The following NAALADL2 variants were observed in gnomAD, a reference collection of about 807,000 sequenced individuals.
The protein encoded by NAALADL2 is inactive N-acetylated-alpha-linked acidic dipeptidase-like protein 2.
NAALADL2 carries 76 observed loss-of-function variants against 87.2 expected under a neutral mutation model. The observed-to-expected ratio is 0.87, with a 90% CI of 0.72 to 1.05. The LOEUF (loss-of-function observed/expected upper bound fraction) is 1.05. Ranked by LOEUF, NAALADL2 falls within the 50% of genes least tolerant of loss-of-function variation. NAALADL2 has a pLI of 0.00. For synonymous variants in NAALADL2, 354 were observed against 331.0 expected (o/e 1.07, Z -0.75); for missense variants, 1,089 against 945.8 (o/e 1.15, Z -1.99).
intron 10 of NAALADL2, among the ~76,000 whole-genome samples, chr3:175,583,490 C>CAAAA (rs10681728): frequency 5.8e-5 from 8 of 138,678 alleles, no homozygotes; most frequent in South Asian, 2.3e-4. Flanking sequence ...GGATGAGCTG[C>CAAAA]AAAAAAAAAA....
chr3:175,371,102 A>G (rs1216845686), intron 5 of NAALADL2, among the ~76,000 whole-genome samples: 1 of 152,228 alleles, frequency 6.6e-6, no homozygotes, highest in African/African-American at 2.4e-5. Context: ...GTCTTAGACA[A>G]TATTACCAAA....
rs769738659 is a variant in NAALADL2 at position 175,806,792 on chromosome 3, G to A, written c.*3589G>A. 7.0e-6 allele frequency: 1 copy of A among 143,344 alleles called. No homozygotes were observed. Among genetic ancestry groups the A allele is most frequent in the African/African-American group, 2.6e-5 (1 of 39,028 alleles). 8.9% of individuals were successfully genotyped at this position (143,344 alleles called of 1,614,324 possible). ...CCACAGTTCCAAAGCTAATAAAAAT[G>A]ATGAGGCATATTTCTCTTCTGGGCC... On this transcript the variant is annotated 3_prime_UTR_variant, in exon 14 of 14. Coordinates refer to ENST00000454872, the MANE Select transcript of NAALADL2 (RefSeq NM_207015.3).
chr3:175,529,224 A>G (rs911806774), intron 9 of NAALADL2, among the ~76,000 whole-genome samples: 1 of 152,194 alleles, frequency 6.6e-6, no homozygotes, highest in Admixed American at 6.5e-5. Context: ...CAGCCACCCC[A>G]GACAACACTG....
At chr3:175,605,467 A>C (rs563848755) in intron 10 of NAALADL2, among the ~76,000 whole-genome samples, 21 of 152,136 alleles carry the variant, frequency 1.4e-4, no homozygotes, top group Non-Finnish European at 2.5e-4. Context: ...ATGCAGACTG[A>C]AGACCTCATT....
intron 11 of NAALADL2, among the ~76,000 whole-genome samples, chr3:175,664,288 C>T (rs975031587): frequency 6.6e-6 from 1 of 152,022 alleles, no homozygotes; most frequent in Non-Finnish European, 1.5e-5. Context: ...TTGGAAAAAA[C>T]AAACTTATTG....
intron 5 of NAALADL2, among the ~76,000 whole-genome samples, chr3:175,443,365 T>C (rs1393552032): frequency 1.3e-5 from 2 of 152,154 alleles, no homozygotes; most frequent in African/African-American, 4.8e-5. Flanking sequence ...TAGAGAAAAA[T>C]GGAATGCAGT....
rs904892362 is a variant in NAALADL2, at chr3:175,366,969, C to T, written c.1090+42644C>T. Reference sequence around the variant, plus strand: ...TCCTGAATGGTAATGCCTAGGTTTTCTTCTAGGGTTTTTATGGTTTTAGGT... The same window carrying T: ...TCCTGAATGGTAATGCCTAGGTTTTTTTCTAGGGTTTTTATGGTTTTAGGT... On this transcript the variant is annotated intron_variant, in intron 5 of 13. Coordinates refer to ENST00000454872, the MANE Select transcript of NAALADL2 (RefSeq NM_207015.3). 2.1e-4 allele frequency among the ~76,000 whole-genome samples: 32 copies of T among 151,698 alleles called. 1 individual carries two copies. The highest frequency in any genetic ancestry group is 4.3e-4 in the Non-Finnish European group (29 of 67,976).
chr3:175,438,473 T>G (rs1436390661), intron 5 of NAALADL2, among the ~76,000 whole-genome samples: 1 of 152,110 alleles, frequency 6.6e-6, no homozygotes, highest in Non-Finnish European at 1.5e-5. Flanking sequence ...GAAAGTCAAA[T>G]AAAATATTCC....
At chr3:175,524,231 A>C (rs1733079250) in intron 9 of NAALADL2, among the ~76,000 whole-genome samples, 1 of 152,208 alleles carries the variant, frequency 6.6e-6, no homozygotes, top group African/African-American at 2.4e-5. Flanking sequence ...CTTTAGGAAG[A>C]TGTGAATTCA....
At chr3:174,707,511 C>T (rs1486409534) in intron 2 of NAALADL2, among the ~76,000 whole-genome samples, 1 of 151,992 alleles carries the variant, frequency 6.6e-6, no homozygotes. Flanking sequence ...ATGGATGAAG[C>T]TGGAAACCAT....
chr3:175,751,194 C>T (rs188329770), intron 12 of NAALADL2, among the ~76,000 whole-genome samples: 42 of 152,122 alleles, frequency 2.8e-4, no homozygotes, highest in East Asian at 9.6e-4. Flanking sequence ...TAAAGTTCAC[C>T]GTTTAATTCC....
chr3:174,853,298 A>G (rs1725475645), intron 3 of NAALADL2, among the ~76,000 whole-genome samples: 1 of 149,240 alleles, frequency 6.7e-6, no homozygotes, highest in Non-Finnish European at 1.5e-5. Flanking sequence ...GAATTGCTTG[A>G]ACTTGGGAGG....
rs1311186385 is a variant in NAALADL2 at position 175,136,908 on chromosome 3, G to C, written c.545+39617G>C. On this transcript the variant is annotated intron_variant, in intron 2 of 13. Coordinates refer to ENST00000454872, the MANE Select transcript of NAALADL2 (RefSeq NM_207015.3). ...GCTTTGGTTTTAAAAATAACTCTTG[G>C]CAAGCTAATATTCTTTTGGGAAAAA... Among the ~76,000 whole-genome samples, 6 of 152,102 alleles carry C rather than the reference G, an allele frequency of 3.9e-5. No individual in the cohort carries two copies. In the South Asian group the frequency reaches 6.2e-4, roughly 16 times the overall value.
chr3:175,448,142 T>C (rs1720992898), intron 6 of NAALADL2, among the ~76,000 whole-genome samples: 1 of 152,232 alleles, frequency 6.6e-6, no homozygotes, highest in Admixed American at 6.5e-5. Context: ...AAGAAATATG[T>C]ACAAAAAAAT....
intron 1 of NAALADL2, among the ~76,000 whole-genome samples, chr3:174,878,476 A>T (rs988849870): frequency 1.3e-5 from 2 of 152,038 alleles, no homozygotes; most frequent in African/African-American, 4.8e-5. Context: ...CCATTGCAAA[A>T]ACCTACATGT....
intron 1 of NAALADL2, among the ~76,000 whole-genome samples, chr3:174,523,793 C>T (rs893011992): frequency 6.6e-6 from 1 of 152,072 alleles, no homozygotes; most frequent in Non-Finnish European, 1.5e-5. Flanking sequence ...CAGGTCATTG[C>T]CAATTTGTGT....
chr3:175,426,519 C>G (rs1369446667), intron 5 of NAALADL2, among the ~76,000 whole-genome samples: 1 of 152,144 alleles, frequency 6.6e-6, no homozygotes, highest in Non-Finnish European at 1.5e-5. Context: ...ACATACCAGA[C>G]TATAAGTGAA....
chr3:175,015,079 C>T (rs9868675), intron 1 of NAALADL2, among the ~76,000 whole-genome samples: 2,052 of 152,092 alleles, frequency 0.013, 45 homozygotes, highest in African/African-American at 0.048. Flanking sequence ...AATTGTGCAT[C>T]ATTTCATGGA....
chr3:175,756,034 A>G (rs1747224226), intron 13 of NAALADL2, among the ~76,000 whole-genome samples: 2 of 152,142 alleles, frequency 1.3e-5, no homozygotes, highest in Admixed American at 1.3e-4. Context: ...TATATAGTAG[A>G]AGATAAATGA....
Sources: gnomAD v4.1 joint callset for allele counts (sites outside exome capture counted in the v4.1 genomes callset) on GRCh38, gnomAD v4.1.1 for gene constraint, MANE v1.5 for transcripts, NCBI Gene and HGNC (gene_info 2026-07-23, HGNC 2026-07-21) for gene names.